Variants in DLC1 observed in about 807,000 individuals in gnomAD.
DLC1 encodes rho GTPase-activating protein 7.
A neutral mutation model predicts 140.3 loss-of-function variants in DLC1; 54 were observed. The observed-to-expected ratio is 0.38, with a 90% confidence interval of 0.31 to 0.48. The LOEUF (loss-of-function observed/expected upper bound fraction) is 0.48, where lower values mean the gene tolerates loss of function less well. DLC1 is among the 20% of genes least tolerant of loss of function. DLC1 has a pLI of 0.96. For synonymous variants in DLC1, 986 were observed against 728.1 expected (o/e 1.35, Z -5.70); for missense variants, 2,536 against 1,907.0 (o/e 1.33, Z -6.14).
chr8:13,221,696 G>GTA (rs1828556826), intron 5 of DLC1, among the ~76,000 whole-genome samples: 1 of 118,576 alleles, frequency 8.4e-6, no homozygotes, highest in Non-Finnish European at 1.7e-5. Flanking sequence ...GTGTGTGTGT[G>GTA]TATATGTGTG....
chr8:13,383,133 G>C (rs763126797), intron 4 of DLC1, among the ~76,000 whole-genome samples: 12 of 152,188 alleles, frequency 7.9e-5, no homozygotes, highest in Non-Finnish European at 1.8e-4. Context: ...ATTAGAAAAA[G>C]GAAGAATGAC....
chr8:13,279,967 C>T (rs540635092), intron 5 of DLC1, among the ~76,000 whole-genome samples: 1 of 152,022 alleles, frequency 6.6e-6, no homozygotes, highest in East Asian at 1.9e-4. Context: ...TTTTCAAGAT[C>T]CCACTGGGAA....
chr8:13,531,113 C>G (rs1268710966), intron 1 of DLC1, among the ~76,000 whole-genome samples: 1 of 152,262 alleles, frequency 6.6e-6, no homozygotes, highest in East Asian at 1.9e-4. Context: ...CAGCCTAGAA[C>G]TCAGGAAGAG....
intron 4 of DLC1, among the ~76,000 whole-genome samples, chr8:13,357,111 A>G (rs1281694457): frequency 6.6e-6 from 1 of 152,114 alleles, no homozygotes; most frequent in African/African-American, 2.4e-5. Context: ...TCTACTAAAA[A>G]TACAAAAAAA....
chr8:13,544,370 T>C (rs1803586394), intron 1 of DLC1, among the ~76,000 whole-genome samples: 1 of 152,188 alleles, frequency 6.6e-6, no homozygotes, highest in Non-Finnish European at 1.5e-5. Context: ...GTCTTATTAC[T>C]CTAATTTAAA....
chr8:13,454,412 A>C (rs1799297713), intron 2 of DLC1, among the ~76,000 whole-genome samples: 1 of 152,252 alleles, frequency 6.6e-6, no homozygotes, highest in African/African-American at 2.4e-5. Context: ...TTATTTTCTT[A>C]AAAGATCATT....
intron 5 of DLC1, among the ~76,000 whole-genome samples, chr8:13,176,182 A>G (rs1021555859): frequency 1.3e-5 from 2 of 152,196 alleles, no homozygotes; most frequent in African/African-American, 2.4e-5. Flanking sequence ...TCTAAAGCAA[A>G]TTTTTATTAC....
intron 2 of DLC1, among the ~76,000 whole-genome samples, chr8:13,443,786 T>C (rs1325947885): frequency 6.6e-6 from 1 of 152,140 alleles, no homozygotes; most frequent in Admixed American, 6.5e-5. Context: ...ATAAGTAGCA[T>C]AATGAATATC....
intron 5 of DLC1, among the ~76,000 whole-genome samples, chr8:13,200,118 C>G (rs1011258402): frequency 1.3e-5 from 2 of 152,178 alleles, no homozygotes; most frequent in South Asian, 2.1e-4. Context: ...TCTCTGCTCA[C>G]TGCAACCTCC....
intron 5 of DLC1, among the ~76,000 whole-genome samples, chr8:13,126,196 C>G (rs1821546278): frequency 6.6e-6 from 1 of 152,042 alleles, no homozygotes; most frequent in South Asian, 2.1e-4. Flanking sequence ...GAAAATATCT[C>G]CCAAATAATC....
intron 2 of DLC1, among the ~76,000 whole-genome samples, chr8:13,447,548 C>T (rs1205424125): frequency 9.2e-5 from 14 of 152,104 alleles, no homozygotes; most frequent in Admixed American, 9.2e-4. Flanking sequence ...TTGTACTTAT[C>T]TACATCTCAA....
At position 13,499,819 on chromosome 8, in the gene DLC1, C is replaced by G. The variant is rs780631540; in HGVS notation, c.253G>C (p.Val85Leu). 1.2e-6 allele frequency: 2 copies of G among 1,614,108 alleles called. No homozygotes were observed. The highest frequency in any genetic ancestry group is 4.5e-5 in the East Asian group (2 of 44,882). Reference sequence around the variant, plus strand: ...CCTTCATGGCTGTCATTTTCGTCCACATCCTTTGAAAGATGACCCATTGGC... The same window carrying G: ...CCTTCATGGCTGTCATTTTCGTCCAGATCCTTTGAAAGATGACCCATTGGC... Reference protein sequence around the residue: ...GRPMGHLSKDVDENDSHEGED... With the variant: ...GRPMGHLSKDLDENDSHEGED... The change falls in exon 2 of 18, where the codon GTG becomes CTG. Residue 85 changes from valine (V) to leucine (L), a missense_variant. Transcript: ENST00000276297.
intron 5 of DLC1, among the ~76,000 whole-genome samples, chr8:13,220,075 C>A (rs1033427063): frequency 1.3e-5 from 2 of 151,728 alleles, no homozygotes; most frequent in Non-Finnish European, 2.9e-5. Context: ...CCTTCTGGGG[C>A]GATTAAAATG....
chr8:13,595,806 A>G (rs1805663147), intron 1 of DLC1, among the ~76,000 whole-genome samples: 1 of 152,130 alleles, frequency 6.6e-6, no homozygotes, highest in Middle Eastern at 3.4e-3. Context: ...AGAACAGTAC[A>G]TTATTTTTTC....
In DLC1 at chr8:13,084,609, G is replaced by GAAAAAAAAA. The variant is rs34605265; in HGVS notation, c.*1193_*1201dup. The GAAAAAAAAA allele has an allele frequency of 1.6e-5, 2 of 125,746 alleles. No homozygotes were observed. Among genetic ancestry groups the GAAAAAAAAA allele is most frequent in the African/African-American group, 2.7e-5 (1 of 36,554 alleles). The allele number at this position is 125,746 out of a possible 1,614,324, so 7.8% of individuals were successfully genotyped here. A position where few individuals can be genotyped will look rare whatever the true frequency, so the allele number is the denominator to read the frequency against. On this transcript the variant is annotated 3_prime_UTR_variant, in exon 18 of 18. Transcript: ENST00000276297. ...AATATATTTCCAGGGCATTCTAAAG[G>GAAAAAAAAA]AAAAAAAAAAAAAAAGAAATGTAGG...
intron 1 of DLC1, among the ~76,000 whole-genome samples, chr8:13,509,779 T>G (rs145022757): frequency 6.6e-6 from 1 of 152,026 alleles, no homozygotes; most frequent in East Asian, 1.9e-4. Context: ...TTGTCTCCCA[T>G]TTTTGTGAGG....
chr8:13,295,457 T>C (rs1831908356), intron 5 of DLC1, among the ~76,000 whole-genome samples: 1 of 152,200 alleles, frequency 6.6e-6, no homozygotes, highest in South Asian at 2.1e-4. Flanking sequence ...TTAGATTAGA[T>C]TTCTGCACAG....
At position 13,345,547 on chromosome 8, in the gene DLC1, C is replaced by CTTTTTTTTTTTTTTTTTTT. The variant is rs535092622; in HGVS notation, c.1315-40264_1315-40246dup. 3.6e-3 allele frequency among the ~76,000 whole-genome samples: 243 copies of CTTTTTTTTTTTTTTTTTTT among 67,514 alleles called. 31 individuals are homozygous for CTTTTTTTTTTTTTTTTTTT. Among genetic ancestry groups the CTTTTTTTTTTTTTTTTTTT allele is most frequent in the Non-Finnish European group, 5.2e-3 (201 of 38,918 alleles). 44.3% of individuals were successfully genotyped at this position (67,514 alleles called of 152,430 possible). On this transcript the variant is annotated intron_variant, in intron 4 of 17. Coordinates refer to ENST00000276297, the MANE Select transcript of DLC1 (RefSeq NM_182643.3). ...GATTATCTGAAATTTTTCACTCACA[C>CTTTTTTTTTTTTTTTTTTT]TTTTTTTTTTTTTTTTTTTTTTTGG... is the stretch of plus-strand genomic sequence containing the variant.
chr8:13,506,107 G>C (rs905981561), intron 1 of DLC1, among the ~76,000 whole-genome samples: 1 of 151,852 alleles, frequency 6.6e-6, no homozygotes, highest in African/African-American at 2.4e-5. Context: ...ATACATATAT[G>C]TGTGTGTATA....
Sources: gnomAD v4.1 joint callset for allele counts (sites outside exome capture counted in the v4.1 genomes callset) on GRCh38, gnomAD v4.1.1 for gene constraint, MANE v1.5 for transcripts, NCBI Gene and HGNC (gene_info 2026-07-23, HGNC 2026-07-21) for gene names.